Variants in EPB41 observed in about 807,000 individuals in gnomAD.
The protein encoded by EPB41 is protein 4.1.
In EPB41, 65 loss-of-function variants were observed where a neutral mutation model predicts 108.0. That is an observed-to-expected ratio of 0.60 (90% CI 0.49 to 0.74). The LOEUF (loss-of-function observed/expected upper bound fraction) is 0.74. Ranked by LOEUF, EPB41 falls within the 30% of genes least tolerant of loss-of-function variation. The probability of loss-of-function intolerance (pLI) is 0.00; values close to 1 mark genes in which losing one functional copy is unlikely to be tolerated. For missense variants in EPB41, 875 were observed against 1,037.0 expected, an observed-to-expected ratio of 0.84 and a Z score of 2.15; for synonymous variants, 336 against 358.9, an observed-to-expected ratio of 0.94 and a Z score of 0.72.
intron 6 of EPB41, among the ~76,000 whole-genome samples, chr1:29,016,958 A>C (rs1417212040): frequency 1.3e-5 from 2 of 152,202 alleles, no homozygotes; most frequent in Non-Finnish European, 2.9e-5. Context: ...CTCTTTAAAA[A>C]TCTGATTATT....
rs530909471 is a variant in EPB41 at position 29,053,263 on chromosome 1, A to G, written c.1796A>G (p.Glu599Gly). ...ACAGTGAAGGCTGAAGTGAAAAAGGAAGACGAGCCACCTGAGCAAGCTGAG... is the reference window on the plus strand; with the variant it reads ...ACAGTGAAGGCTGAAGTGAAAAAGGGAGACGAGCCACCTGAGCAAGCTGAG... ...KETVKAEVKK[E>G]DEPPEQAEPE... Residue 599 changes from glutamate to glycine, a missense_variant, in exon 12 of 21, where the codon GAA (glutamate) becomes GGA (glycine). Glu to Gly is a moderately conservative substitution (Grantham distance 98). This residue lies in a region of EPB41 where 519 missense variants were observed against 627.3 expected (regional missense o/e 0.83). Transcript: ENST00000343067. 64 of 1,614,112 alleles carry G rather than the reference A, an allele frequency of 4.0e-5. No individual in the cohort carries two copies. Among genetic ancestry groups the G allele is most frequent in the Non-Finnish European group, 5.2e-5 (61 of 1,180,054 alleles).
At chr1:29,005,305 A>C (rs916189495) in intron 4 of EPB41, among the ~76,000 whole-genome samples, 1 of 152,160 alleles carries the variant, frequency 6.6e-6, no homozygotes, top group African/African-American at 2.4e-5. Flanking sequence ...CATGAGAACA[A>C]CACCAAAGGG....
chr1:29,015,866 G>C (rs2096571809), intron 6 of EPB41, 99 bp downstream of exon 6: 1 of 810,350 alleles, frequency 1.2e-6, no homozygotes, highest in African/African-American at 1.8e-5. Flanking sequence ...TCCGTATTCA[G>C]AACTGAAGAA....
intron 1 of EPB41, among the ~76,000 whole-genome samples, chr1:28,947,630 CA>C (rs1248222563): frequency 6.6e-6 from 1 of 151,628 alleles, no homozygotes; most frequent in Non-Finnish European, 1.5e-5. Context: ...AGTTTGAGAT[CA>C]GTGTGGCCAA....
intron 15 of EPB41, among the ~76,000 whole-genome samples, chr1:29,061,344 A>G (rs1377966887): frequency 6.6e-6 from 1 of 151,950 alleles, no homozygotes; most frequent in Non-Finnish European, 1.5e-5. Flanking sequence ...ATCTCAGCTT[A>G]CTGCAAGCTC....
At chr1:29,102,961 C>CG in intron 17 of EPB41, among the ~76,000 whole-genome samples, 1 of 152,148 alleles carries the variant, frequency 6.6e-6, no homozygotes, top group South Asian at 2.1e-4. Flanking sequence ...TTAGTAGAGA[C>CG]GGGGTTTCAC....
chr1:29,060,516 G>C (rs528589831), intron 15 of EPB41, 32 bp downstream of exon 15: 2 of 1,586,276 alleles, frequency 1.3e-6, no homozygotes, highest in Non-Finnish European at 1.7e-6. Flanking sequence ...ATTTCAGTTG[G>C]TTGCCTGGAA....
intron 15 of EPB41, among the ~76,000 whole-genome samples, chr1:29,063,869 T>C (rs1646927173): frequency 6.6e-6 from 1 of 152,234 alleles, no homozygotes; most frequent in African/African-American, 2.4e-5. Flanking sequence ...CTTCAAGTTA[T>C]ATTTACCATA....
intron 7 of EPB41, among the ~76,000 whole-genome samples, chr1:29,029,583 G>A (rs1360697502): frequency 1.3e-5 from 2 of 152,114 alleles, no homozygotes; most frequent in African/African-American, 4.8e-5. Context: ...GGTCTGAATT[G>A]TGCAGCATTA....
chr1:29,109,330 C>T lies in EPB41; in HGVS notation c.2314-6C>T, dbSNP rs760676569. On this transcript the variant is annotated splice_polypyrimidine_tract_variant and splice_region_variant and intron_variant, in intron 17 of 20. Transcript: ENST00000343067. ...GCATGATGATGAGCCATGCTTTCTT[C>T]TGCAGACTGACGACAACAGTGGAGA... The T allele has an allele frequency of 1.9e-5, 30 of 1,612,660 alleles. No individual in the cohort carries two copies. Among genetic ancestry groups the T allele is most frequent in the Non-Finnish European group, 1.1e-5 (13 of 1,178,810 alleles).
intron 1 of EPB41, among the ~76,000 whole-genome samples, chr1:28,929,446 G>A (rs2093619743): frequency 6.6e-6 from 1 of 151,824 alleles, no homozygotes; most frequent in African/African-American, 2.4e-5. Context: ...TAGCCAGGAT[G>A]GTCTCGATCT....
At chr1:29,080,985 T>C (rs1656367184) in intron 16 of EPB41, among the ~76,000 whole-genome samples, 2 of 152,198 alleles carry the variant, frequency 1.3e-5, no homozygotes, top group Admixed American at 6.5e-5. Flanking sequence ...ATAGACCTAC[T>C]ACCAAAAAAA....
chr1:29,083,401 T>C (rs548855323), intron 16 of EPB41, among the ~76,000 whole-genome samples: 1 of 152,358 alleles, frequency 6.6e-6, no homozygotes, highest in East Asian at 1.9e-4. Flanking sequence ...CCACTGAAAC[T>C]GTACAAAACT....
At chr1:28,905,403 A>G (rs1209531195) in intron 1 of EPB41, among the ~76,000 whole-genome samples, 1 of 151,528 alleles carries the variant, frequency 6.6e-6, no homozygotes, top group African/African-American at 2.4e-5. Flanking sequence ...AAGCTGAGGC[A>G]GGAGAATCGC....
At chr1:28,970,896 T>A (rs537495828) in intron 1 of EPB41, among the ~76,000 whole-genome samples, 1 of 152,262 alleles carries the variant, frequency 6.6e-6, no homozygotes, top group Admixed American at 6.5e-5. Flanking sequence ...TCGCCCAGGC[T>A]GAGTGCAAAG....
At chr1:29,114,907 C>T (rs892226787) in intron 19 of EPB41, among the ~76,000 whole-genome samples, 1 of 151,840 alleles carries the variant, frequency 6.6e-6, no homozygotes, top group Non-Finnish European at 1.5e-5. Context: ...CCCTTGTCCT[C>T]TTCCTTCCTT....
chr1:29,013,985 A>AT (rs750161123), intron 5 of EPB41, among the ~76,000 whole-genome samples: 1 of 151,750 alleles, frequency 6.6e-6, no homozygotes, highest in African/African-American at 2.4e-5. Flanking sequence ...AATCTGCAAT[A>AT]TTTTTTTCTA....
At chr1:29,047,762 CAATT>C in intron 11 of EPB41, among the ~76,000 whole-genome samples, 1 of 151,756 alleles carries the variant, frequency 6.6e-6, no homozygotes, top group East Asian at 1.9e-4. Flanking sequence ...TGTAAATTGA[CAATT>C]TATGTATGTA....
chr1:28,980,801 T>G (rs1045152712), intron 1 of EPB41, among the ~76,000 whole-genome samples: 5 of 149,910 alleles, frequency 3.3e-5, no homozygotes, highest in African/African-American at 7.3e-5. Flanking sequence ...GGAGTTTTTT[T>G]TTTTTTTTTT....
Sources: gnomAD v4.1 joint callset for allele counts (sites outside exome capture counted in the v4.1 genomes callset) on GRCh38, gnomAD v4.1.1 for gene constraint, gnomAD v4.1.1 regional missense constraint, MANE v1.5 for transcripts, NCBI Gene and HGNC (gene_info 2026-07-23, HGNC 2026-07-21) for gene names.